The following CDC14A variants were observed in gnomAD, a reference collection of about 807,000 sequenced individuals.
The protein encoded by CDC14A is dual specificity protein phosphatase CDC14A.
Under a neutral mutation model 74.4 loss-of-function variants are expected in CDC14A, and 53 were observed. That is an observed-to-expected ratio of 0.71 (90% confidence interval 0.57 to 0.89). CDC14A has a LOEUF of 0.89. CDC14A is among the 40% of genes least tolerant of loss of function. The pLI is 0.00. For missense variants in CDC14A, 646 were observed against 713.7 expected (o/e 0.91, Z 1.08); for synonymous variants, 247 against 258.4 (o/e 0.96, Z 0.43).
chr1:100,428,866 T>G (rs1223367637), intron 5 of CDC14A, among the ~76,000 whole-genome samples: 1 of 152,174 alleles, frequency 6.6e-6, no homozygotes, highest in Non-Finnish European at 1.5e-5. Flanking sequence ...GTTGGTACGT[T>G]TTTTAGTATT....
chr1:100,360,854 T>C (rs1314581108), intron 2 of CDC14A, among the ~76,000 whole-genome samples: 1 of 152,120 alleles, frequency 6.6e-6, no homozygotes, highest in Non-Finnish European at 1.5e-5. Flanking sequence ...GAGAGTTATC[T>C]TAACAGGGCT....
chr1:100,425,014 A>C (rs1415488872), intron 5 of CDC14A, among the ~76,000 whole-genome samples: 1 of 152,092 alleles, frequency 6.6e-6, no homozygotes, highest in Non-Finnish European at 1.5e-5. Flanking sequence ...CTAAAAATAC[A>C]AAAGTTAGCC....
chr1:100,411,355 C>T (rs1371958834), intron 4 of CDC14A, among the ~76,000 whole-genome samples: 2 of 152,006 alleles, frequency 1.3e-5, no homozygotes, highest in African/African-American at 4.8e-5. Context: ...TTTGTTTTTC[C>T]TACTGGTTCC....
Position 100,395,328 on chromosome 1 carries a change from G to A in CDC14A, c.309+4504G>A, listed in dbSNP as rs928861120. ...TCAAATTTATTGTGACAAAACAGAAGTTTTTATTCCTTCTCTCCCTAAATG... is the reference window on the plus strand; with the variant it reads ...TCAAATTTATTGTGACAAAACAGAAATTTTTATTCCTTCTCTCCCTAAATG... On this transcript the variant is annotated intron_variant, in intron 4 of 15. Transcript: ENST00000336454. 6.6e-5 allele frequency among the ~76,000 whole-genome samples: 10 copies of A among 152,142 alleles called. 1 individual carries two copies. The highest frequency in any genetic ancestry group is 6.5e-4 in the Admixed American group (10 of 15,276).
chr1:100,472,656 T>A (rs12239325), intron 10 of CDC14A, among the ~76,000 whole-genome samples: 2,901 of 150,788 alleles, frequency 0.019, 101 homozygotes, highest in African/African-American at 0.069. Flanking sequence ...GACTCAATGA[T>A]TTCTCATATT....
Position 100,416,799 on chromosome 1 carries a change from C to A in CDC14A, c.310-7423C>A, listed in dbSNP as rs377168850. Reference sequence around the variant, plus strand: ...ACATTATTAATTCATTTATTCTTCCCGACAAACAACCTTATGTGATAGTTA... The same window carrying A: ...ACATTATTAATTCATTTATTCTTCCAGACAAACAACCTTATGTGATAGTTA... On this transcript the variant is annotated intron_variant, in intron 4 of 15. Coordinates refer to ENST00000336454, the MANE Select transcript of CDC14A (RefSeq NM_003672.4). Among the ~76,000 whole-genome samples, 262 of 152,190 alleles carry A rather than the reference C, an allele frequency of 1.7e-3. 1 individual carries two copies. Among genetic ancestry groups the A allele is most frequent in the African/African-American group, 6.1e-3 (252 of 41,520 alleles).
chr1:100,490,292 T>C (rs1429282535), intron 11 of CDC14A, among the ~76,000 whole-genome samples: 2 of 152,214 alleles, frequency 1.3e-5, no homozygotes, highest in African/African-American at 2.4e-5. Context: ...TGTAATTTAA[T>C]GTAAATATGT....
At chr1:100,480,357 T>G (rs1004958567) in intron 10 of CDC14A, among the ~76,000 whole-genome samples, 3 of 152,242 alleles carry the variant, frequency 2.0e-5, no homozygotes, top group Non-Finnish European at 2.9e-5. Flanking sequence ...TATTCCATTG[T>G]ATGTATATAT....
chr1:100,414,352 C>A (rs1345807872), intron 4 of CDC14A, among the ~76,000 whole-genome samples: 1 of 152,124 alleles, frequency 6.6e-6, no homozygotes, highest in Non-Finnish European at 1.5e-5. Context: ...CGCATATTAT[C>A]TTTTACAGAT....
At chr1:100,384,362 CT>C (rs1656559206) in intron 3 of CDC14A, among the ~76,000 whole-genome samples, 1 of 152,112 alleles carries the variant, frequency 6.6e-6, no homozygotes, top group African/African-American at 2.4e-5. Flanking sequence ...TAAATTCCAC[CT>C]TTTATCTACT....
chr1:100,518,348 A>C lies in CDC14A; in HGVS notation c.*68A>C. On this transcript the variant is annotated 3_prime_UTR_variant, in exon 16 of 16. Coordinates refer to ENST00000336454, the MANE Select transcript of CDC14A (RefSeq NM_003672.4). The stretch of plus-strand genomic sequence containing the variant: ...ATTTCTTCATCTGGACGAGCAGTGG[A>C]GAGGGAAAGCAACTTCTTGCTGGAA... The C allele has an allele frequency of 3.1e-6, 4 of 1,298,930 alleles. No homozygotes were observed. The highest frequency in any genetic ancestry group is 4.5e-6 in the Non-Finnish European group (4 of 895,266). 80.5% of individuals were successfully genotyped at this position (1,298,930 alleles called of 1,614,324 possible). A position where few individuals can be genotyped will look rare whatever the true frequency, so the allele number is the denominator to read the frequency against.
intron 5 of CDC14A, among the ~76,000 whole-genome samples, chr1:100,429,046 C>CA (rs201335411): frequency 0.021 from 3,162 of 150,856 alleles, 121 homozygotes; most frequent in African/African-American, 0.073. Context: ...ACTAAAAATA[C>CA]AAAAAAAAGT....
At chr1:100,496,420 A>C (rs1647837108) in intron 13 of CDC14A, among the ~76,000 whole-genome samples, 1 of 151,988 alleles carries the variant, frequency 6.6e-6, no homozygotes, top group South Asian at 2.1e-4. Context: ...ATTTTTTCCC[A>C]ATCAGCATGC....
At chr1:100,394,703 A>G (rs1658223348) in intron 4 of CDC14A, among the ~76,000 whole-genome samples, 1 of 152,172 alleles carries the variant, frequency 6.6e-6, no homozygotes, top group Non-Finnish European at 1.5e-5. Context: ...ATTATTCTTG[A>G]ACTGGTCATG....
intron 11 of CDC14A, among the ~76,000 whole-genome samples, chr1:100,487,509 G>T (rs1024538009): frequency 6.6e-6 from 1 of 152,178 alleles, no homozygotes; most frequent in Non-Finnish European, 1.5e-5. Flanking sequence ...TTGCAGAGCT[G>T]AGATCATGCC....
intron 7 of CDC14A, among the ~76,000 whole-genome samples, chr1:100,454,239 T>A (rs1485189920): frequency 2.6e-5 from 4 of 152,050 alleles, no homozygotes; most frequent in Non-Finnish European, 4.4e-5. Flanking sequence ...ACTGTTGAGG[T>A]CCTTGCCATA....
At chr1:100,356,859 A>T (rs1407329415) in intron 2 of CDC14A, among the ~76,000 whole-genome samples, 4 of 56,700 alleles carry the variant, frequency 7.1e-5, no homozygotes, top group East Asian at 5.7e-4. Context: ...GACTCTGTCT[A>T]AAAAAAAAAA....
In CDC14A at chr1:100,468,099, G is replaced by C; in HGVS notation, c.977+5G>C. 6.2e-7 allele frequency: 1 copy of C among 1,613,688 alleles called. No individual in the cohort carries two copies. The highest frequency in any genetic ancestry group is 1.3e-5 in the African/African-American group (1 of 74,976). On this transcript the variant is annotated splice_donor_5th_base_variant and intron_variant, in intron 10 of 15. Transcript: ENST00000336454. ...CCAGCAGCACTTCCTGGAAGAGTAA[G>C]TATATTGTCCCCATTACCACATTAT...
chr1:100,351,068 C>T (rs1650927233), upstream of CDC14A, among the ~76,000 whole-genome samples: 1 of 152,100 alleles, frequency 6.6e-6, no homozygotes, highest in Non-Finnish European at 1.5e-5. Flanking sequence ...GTGGCGCACG[C>T]CTGTAGATCC....
Sources: gnomAD v4.1 joint callset for allele counts (sites outside exome capture counted in the v4.1 genomes callset) on GRCh38, gnomAD v4.1.1 for gene constraint, MANE v1.5 for transcripts, NCBI Gene and HGNC (gene_info 2026-07-23, HGNC 2026-07-21) for gene names.